Variants in MELK observed in about 807,000 individuals in gnomAD.
MELK encodes maternal embryonic leucine zipper kinase, also known as pEg3 kinase.
A neutral mutation model predicts 85.0 loss-of-function variants in MELK; 81 were observed. The ratio of observed to expected loss-of-function variants is 0.95; its 90% CI spans 0.80 to 1.15. MELK has a LOEUF of 1.15. Ranked by LOEUF, MELK falls within the 50% of genes most tolerant of loss-of-function variation. The pLI, the probability that MELK is intolerant of heterozygous loss-of-function variation, is 0.00. For synonymous variants in MELK, 252 were observed against 265.0 expected, an observed-to-expected ratio of 0.95 and a Z score of 0.48; for missense variants, 754 against 777.5, an observed-to-expected ratio of 0.97 and a Z score of 0.36.
chr9:36,604,149 A>G (rs1313796536), intron 7 of MELK, among the ~76,000 whole-genome samples: 6 of 149,878 alleles, frequency 4.0e-5, no homozygotes, highest in African/African-American at 9.8e-5. Context: ...TTGTATTTTT[A>G]GTAGAGACGG....
Position 36,671,025 on chromosome 9 carries a change from C to A in MELK, c.1533C>A (p.Asn511Lys). The part of the protein sequence containing the change: ...RRCRSVELDL[N>K]QAHMEETPKR... ...GCCGCTCAGTGGAATTGGATCTCAACCAAGCACATATGGAGGAGACTCCAA... is the reference window on the plus strand; with the variant it reads ...GCCGCTCAGTGGAATTGGATCTCAAACAAGCACATATGGAGGAGACTCCAA... The change falls in exon 16 of 18, where the codon AAC becomes AAA. Residue 511 changes from asparagine (N) to lysine (K), a missense_variant. Coordinates refer to ENST00000298048, the MANE Select transcript of MELK (RefSeq NM_014791.4). 1.9e-6 allele frequency: 3 copies of A among 1,611,554 alleles called. No homozygotes were observed. The highest frequency in any genetic ancestry group is 2.5e-6 in the Non-Finnish European group (3 of 1,179,086).
In MELK at chr9:36,630,105, A is replaced by G. The variant is rs1828378487; in HGVS notation, c.667-194A>G. On this transcript the variant is annotated intron_variant, in intron 8 of 17. Transcript: ENST00000298048. ...GGTGATCTGCCCGCTTTGACCTCCC[A>G]AAGTGCTGGGACTTCAGGTGTGAGC... The G allele has an allele frequency of 3.3e-5, 19 of 570,058 alleles. 1 individual carries two copies. The South Asian group carries it at 4.1e-4, about 12-fold the overall frequency. The allele number at this position is 570,058 out of a possible 1,614,324, so 35.3% of individuals were successfully genotyped here.
chr9:36,619,628 G>T (rs1026342558), intron 8 of MELK, among the ~76,000 whole-genome samples: 2 of 152,192 alleles, frequency 1.3e-5, no homozygotes, highest in African/African-American at 4.8e-5. Flanking sequence ...AAAATGGAAT[G>T]ATAAAGTTTT....
rs533265527 is a variant in MELK, at chr9:36,608,455, T to C, written c.666+782T>C. ...TATATGGAAAGAAACATAGCACATA[T>C]AGGGTTCATTGCTATCCGTGGTTTC... On this transcript the variant is annotated intron_variant, in intron 8 of 17. Transcript: ENST00000298048. Among the ~76,000 whole-genome samples the C allele has an allele frequency of 7.9e-5, 12 of 152,028 alleles. No individual in the cohort carries two copies. The South Asian group carries it at 2.3e-3, about 29-fold the overall frequency.
chr9:36,668,743 G>A (rs888648786), intron 14 of MELK, among the ~76,000 whole-genome samples: 9 of 152,058 alleles, frequency 5.9e-5, no homozygotes, highest in African/African-American at 2.2e-4. Context: ...TCGAACTCCT[G>A]ACCTCATGAT....
chr9:36,615,501 C>G (rs534763981), intron 8 of MELK, among the ~76,000 whole-genome samples: 3 of 139,482 alleles, frequency 2.2e-5, no homozygotes, highest in African/African-American at 2.7e-5. Flanking sequence ...CTGACCCCCC[C>G]CCACCTCCCT....
chr9:36,664,996 G>T (rs1832195007), intron 13 of MELK, among the ~76,000 whole-genome samples: 1 of 152,164 alleles, frequency 6.6e-6, no homozygotes, highest in African/African-American at 2.4e-5. Context: ...TGCCCTAATT[G>T]CTGACTAAAC....
intron 8 of MELK, among the ~76,000 whole-genome samples, chr9:36,609,447 CTTT>C (rs58390406): frequency 3.8e-4 from 50 of 132,716 alleles, no homozygotes; most frequent in Non-Finnish European, 7.1e-4. Context: ...CTTTCTTCTT[CTTT>C]TTTTTTTTTT....
chr9:36,611,430 A>ACT (rs748307769), intron 8 of MELK, among the ~76,000 whole-genome samples: 2 of 151,928 alleles, frequency 1.3e-5, no homozygotes, highest in Non-Finnish European at 2.9e-5. Flanking sequence ...ATGTCCATGT[A>ACT]CTCTCTCTCA....
In MELK at chr9:36,630,298, G is replaced by C; in HGVS notation, c.667-1G>C. 1 of 1,607,688 alleles carries C rather than the reference G, an allele frequency of 6.2e-7. No homozygotes were observed. The highest frequency in any genetic ancestry group is 8.5e-7 in the Non-Finnish European group (1 of 1,175,016). On this transcript the variant is annotated splice_acceptor_variant, in intron 8 of 17. Coordinates refer to ENST00000298048, the MANE Select transcript of MELK (RefSeq NM_014791.4). LOFTEE classifies it high-confidence loss of function. ...ATCTCTTAAATGCTTTGTTTTTGTA[G>C]AGAGGAAAATATGATGTTCCCAAGT...
intron 6 of MELK, among the ~76,000 whole-genome samples, chr9:36,598,124 C>T (rs1420591197): frequency 6.6e-6 from 1 of 152,030 alleles, no homozygotes; most frequent in East Asian, 1.9e-4. Context: ...TCTCTCCTTC[C>T]CTTGGCTCTT....
At chr9:36,662,114 C>T (rs1831902874) in intron 13 of MELK, among the ~76,000 whole-genome samples, 1 of 150,806 alleles carries the variant, frequency 6.6e-6, no homozygotes, top group African/African-American at 2.4e-5. Context: ...CTGTATTTCC[C>T]CCTTATTTCT....
At position 36,649,379 on chromosome 9, in the gene MELK, C is replaced by T. The variant is rs544357881; in HGVS notation, c.922-2367C>T. Among the ~76,000 whole-genome samples the T allele has an allele frequency of 1.2e-4, 18 of 152,116 alleles. No individual in the cohort carries two copies. The South Asian group carries it at 3.1e-3, about 26-fold the overall frequency. ...GCGGGCGCCTGTAGTCCCAGCTACT[C>T]GGGAGTCTGAGGCAGGAGAAGGGCG... On this transcript the variant is annotated intron_variant, in intron 11 of 17. Transcript: ENST00000298048.
In MELK at chr9:36,677,340, G is replaced by C. The variant is rs1334749307; in HGVS notation, c.*3G>C. 1.2e-6 allele frequency: 2 copies of C among 1,609,120 alleles called. No homozygotes were observed. The highest frequency in any genetic ancestry group is 2.2e-5 in the South Asian group (2 of 90,158). ...TCCTATCTAGCTGCAAGGTATAATT[G>C]ATGGATTCTTCCATCCTGCCGGATG... On this transcript the variant is annotated 3_prime_UTR_variant, in exon 18 of 18. Coordinates refer to ENST00000298048, the MANE Select transcript of MELK (RefSeq NM_014791.4).
At position 36,676,261 on chromosome 9, in the gene MELK, AAAG is replaced by A. The variant is rs755177317; in HGVS notation, c.1779-898_1779-896del. On this transcript the variant is annotated intron_variant, in intron 17 of 17. Transcript: ENST00000298048. ...GGTACATAACAGTATGAAACAGAAA[AAAG>A]TACATAACTGAAACAATGTAACTTC... Among the ~76,000 whole-genome samples, 18 of 152,236 alleles carry A rather than the reference AAAG, an allele frequency of 1.2e-4. 1 individual carries two copies. Among genetic ancestry groups the A allele is most frequent in the Non-Finnish European group, 2.2e-4 (15 of 68,046 alleles).
At chr9:36,592,318 G>A (rs1459366846) in intron 4 of MELK, among the ~76,000 whole-genome samples, 1 of 151,906 alleles carries the variant, frequency 6.6e-6, no homozygotes, top group African/African-American at 2.4e-5. Flanking sequence ...GGGATTGTAG[G>A]CACGTGCCAT....
At chr9:36,597,328 A>G (rs910687976) in intron 6 of MELK, 38 bp downstream of exon 6, 10 of 1,540,226 alleles carry the variant, frequency 6.5e-6, no homozygotes, top group Non-Finnish European at 8.1e-6. Context: ...GTTCTTTGTA[A>G]ATGCATTTAT....
At chr9:36,616,050 G>A (rs897783745) in intron 8 of MELK, among the ~76,000 whole-genome samples, 3 of 152,174 alleles carry the variant, frequency 2.0e-5, no homozygotes, top group Non-Finnish European at 4.4e-5. Flanking sequence ...CGCTCCTCCA[G>A]CCGCTGCTTC....
chr9:36,647,137 C>A (rs768246081), intron 11 of MELK, among the ~76,000 whole-genome samples: 12 of 151,928 alleles, frequency 7.9e-5, no homozygotes, highest in Non-Finnish European at 1.6e-4. Context: ...GCTTTTTTTG[C>A]CTAGGGAAAA....
Sources: allele counts gnomAD v4.1 joint callset (sites outside exome capture counted in the v4.1 genomes callset), GRCh38; gene constraint gnomAD v4.1.1; transcripts MANE v1.5; gene names NCBI Gene and HGNC (gene_info 2026-07-23, HGNC 2026-07-21).